ASTN1: variants seen among roughly 807,000 people sequenced by gnomAD.
The protein encoded by ASTN1 is astrotactin-1.
A neutral mutation model predicts 140.7 loss-of-function variants in ASTN1; 41 were observed. The observed-to-expected ratio is 0.29, with a 90% CI of 0.23 to 0.38. The LOEUF (loss-of-function observed/expected upper bound fraction) is 0.38, where lower values mean the gene tolerates loss of function less well. Among genes scored for constraint, ASTN1 ranks in the 10% least tolerant of loss-of-function variants. The pLI, the probability that ASTN1 is intolerant of heterozygous loss-of-function variation, is 1.00. For missense variants in ASTN1, 1,479 were observed against 1,678.8 expected, an observed-to-expected ratio of 0.88 and a Z score of 2.08; for synonymous variants, 640 against 652.2, an observed-to-expected ratio of 0.98 and a Z score of 0.29.
intron 16 of ASTN1, among the ~76,000 whole-genome samples, chr1:176,913,649 C>T (rs762706058): frequency 2.2e-4 from 33 of 152,170 alleles, no homozygotes; most frequent in Non-Finnish European, 7.4e-5. Flanking sequence ...GGTAGGGAAG[C>T]CATTGAATTT....
At chr1:176,888,667 C>T (rs1023767619) in intron 17 of ASTN1, among the ~76,000 whole-genome samples, 1 of 152,206 alleles carries the variant, frequency 6.6e-6, no homozygotes, top group Non-Finnish European at 1.5e-5. Flanking sequence ...CTTCAGCATG[C>T]TTTCTAACCT....
chr1:177,067,634 G>T (rs182509010), intron 1 of ASTN1, among the ~76,000 whole-genome samples: 4 of 152,262 alleles, frequency 2.6e-5, no homozygotes, highest in Admixed American at 6.5e-5. Flanking sequence ...TAAGTCAGGG[G>T]TTAATAACAG....
intron 2 of ASTN1, among the ~76,000 whole-genome samples, chr1:177,040,149 C>T (rs1386121467): frequency 3.9e-5 from 6 of 152,328 alleles, no homozygotes; most frequent in African/African-American, 1.2e-4. Context: ...CCATCTCCTT[C>T]GCAGATGAAA....
At position 176,962,541 on chromosome 1, in the gene ASTN1, A is replaced by C. The variant is rs1246015393; in HGVS notation, c.1598+2622T>G. Among the ~76,000 whole-genome samples, 6 of 152,204 alleles carry C rather than the reference A, an allele frequency of 3.9e-5. No individual in the cohort carries two copies. The South Asian group carries it at 1.2e-3, about 32-fold the overall frequency. ...AAGAACATCATTTCATTGGGGAAAA[A>C]TAGGCAGTTGAAAAATAAATATTAA... is the stretch of plus-strand genomic sequence containing the variant. On this transcript the variant is annotated intron_variant, in intron 9 of 22. Transcript: ENST00000361833.
At chr1:176,958,201 C>A in intron 10 of ASTN1, 144 bp downstream of exon 10, 1 of 1,264,870 alleles carries the variant, frequency 7.9e-7, no homozygotes, top group Non-Finnish European at 1.1e-6. Context: ...GACCCTGGCA[C>A]AACATAGGGG....
chr1:176,933,425 G>A lies in ASTN1; in HGVS notation c.2671+727C>T, dbSNP rs148675913. ...CAACTTGGCCTCATCAGAATGCCAT[G>A]TGGATAAACTCAAGAGAAATTCCAT... is the stretch of plus-strand genomic sequence containing the variant. On this transcript the variant is annotated intron_variant, in intron 16 of 22. Transcript: ENST00000361833. Among the ~76,000 whole-genome samples the A allele has an allele frequency of 2.3e-4, 35 of 152,352 alleles. 1 individual carries two copies. The highest frequency in any genetic ancestry group is 8.2e-4 in the African/African-American group (34 of 41,572).
intron 1 of ASTN1, among the ~76,000 whole-genome samples, chr1:177,127,316 T>A (rs1235651483): frequency 6.6e-6 from 1 of 152,150 alleles, no homozygotes; most frequent in African/African-American, 2.4e-5. Flanking sequence ...AATGTTAAAT[T>A]AAAAATTTGA....
At chr1:176,904,206 G>A (rs896876949) in intron 16 of ASTN1, among the ~76,000 whole-genome samples, 1 of 152,172 alleles carries the variant, frequency 6.6e-6, no homozygotes, top group Non-Finnish European at 1.5e-5. Flanking sequence ...CCCACAGCCT[G>A]TGAGGACTCA....
intron 2 of ASTN1, among the ~76,000 whole-genome samples, chr1:177,044,611 A>G (rs1464611748): frequency 6.6e-6 from 1 of 152,196 alleles, no homozygotes; most frequent in African/African-American, 2.4e-5. Flanking sequence ...CAACTCTGCT[A>G]TTGTTTGTCA....
intron 1 of ASTN1, among the ~76,000 whole-genome samples, chr1:177,098,695 G>T (rs1680161661): frequency 6.6e-6 from 1 of 152,096 alleles, no homozygotes; most frequent in African/African-American, 2.4e-5. Context: ...ACAATGATTT[G>T]AGAAAAAAAT....
chr1:177,073,761 T>C (rs532715522), intron 1 of ASTN1, among the ~76,000 whole-genome samples: 1 of 151,554 alleles, frequency 6.6e-6, no homozygotes, highest in Non-Finnish European at 1.5e-5. Context: ...GAGGCAAGGC[T>C]CTTGCACATA....
intron 1 of ASTN1, among the ~76,000 whole-genome samples, chr1:177,126,333 G>C (rs1681644756): frequency 6.6e-6 from 1 of 152,180 alleles, no homozygotes; most frequent in Admixed American, 6.5e-5. Context: ...ACTTGACTGA[G>C]AGTGACAGAT....
At chr1:176,994,561 T>C (rs1674351190) in intron 8 of ASTN1, among the ~76,000 whole-genome samples, 1 of 152,142 alleles carries the variant, frequency 6.6e-6, no homozygotes, top group Non-Finnish European at 1.5e-5. Flanking sequence ...CAGGCTGGTC[T>C]CGAACTCCTG....
chr1:176,973,686 G>T (rs918299450), intron 8 of ASTN1, among the ~76,000 whole-genome samples: 4 of 152,074 alleles, frequency 2.6e-5, no homozygotes, highest in African/African-American at 4.8e-5. Flanking sequence ...CACATGATGT[G>T]CTTCCTCAAT....
At chr1:177,108,777 T>A (rs985225205) in intron 1 of ASTN1, among the ~76,000 whole-genome samples, 1 of 152,188 alleles carries the variant, frequency 6.6e-6, no homozygotes, top group East Asian at 1.9e-4. Flanking sequence ...GACTGTGAGA[T>A]AGATAAATAT....
chr1:177,138,856 T>C (rs1682324528), intron 1 of ASTN1, among the ~76,000 whole-genome samples: 1 of 152,206 alleles, frequency 6.6e-6, no homozygotes, highest in Admixed American at 6.5e-5. Context: ...CCTGCTTTCT[T>C]GTGAGAAAAG....
intron 7 of ASTN1, among the ~76,000 whole-genome samples, chr1:177,017,037 T>C (rs1675579221): frequency 6.6e-6 from 1 of 152,240 alleles, no homozygotes; most frequent in Non-Finnish European, 1.5e-5. Context: ...TCTTTCACAT[T>C]TGATATCTAG....
At chr1:177,144,826 G>A (rs968666843) in intron 1 of ASTN1, among the ~76,000 whole-genome samples, 10 of 152,060 alleles carry the variant, frequency 6.6e-5, no homozygotes, top group Non-Finnish European at 1.3e-4. Context: ...AATGTGCAGC[G>A]ATATTCACTC....
intron 1 of ASTN1, among the ~76,000 whole-genome samples, chr1:177,131,806 G>A (rs1681956655): frequency 1.3e-5 from 2 of 152,144 alleles, no homozygotes; most frequent in South Asian, 4.1e-4. Context: ...AGAGCCTCAG[G>A]CTGCTTTGTC....
Sources: allele counts gnomAD v4.1 joint callset (sites outside exome capture counted in the v4.1 genomes callset), GRCh38; gene constraint gnomAD v4.1.1; transcripts MANE v1.5; gene names NCBI Gene and HGNC (gene_info 2026-07-23, HGNC 2026-07-21).